DHX57: variants seen among roughly 807,000 people sequenced by gnomAD.
DHX57 encodes the protein putative ATP-dependent RNA helicase DHX57.
A neutral mutation model predicts 156.2 loss-of-function variants in DHX57; 105 were observed. The observed-to-expected ratio is 0.67, with a 90% CI of 0.57 to 0.79. DHX57 has a LOEUF of 0.79. Ranked by LOEUF, DHX57 falls within the 30% of genes least tolerant of loss-of-function variation. The probability of loss-of-function intolerance (pLI) is 0.00; values close to 1 mark genes in which losing one functional copy is unlikely to be tolerated. For missense variants in DHX57, 1,847 were observed against 1,661.9 expected, an observed-to-expected ratio of 1.11 and a Z score of -1.94; for synonymous variants, 704 against 595.6, an observed-to-expected ratio of 1.18 and a Z score of -2.65.
intron 16 of DHX57, among the ~76,000 whole-genome samples, chr2:38,825,327 G>C (rs1671033366): frequency 6.6e-6 from 1 of 151,502 alleles, no homozygotes; most frequent in South Asian, 2.1e-4. Context: ...TTTTGAGATG[G>C]AGTCTCACTC....
At chr2:38,804,174 C>T (rs774289387) in intron 22 of DHX57, among the ~76,000 whole-genome samples, 2 of 152,124 alleles carry the variant, frequency 1.3e-5, no homozygotes, top group Non-Finnish European at 2.9e-5. Flanking sequence ...CTTTCCTACC[C>T]AGCAATCAAG....
intron 22 of DHX57, 44 bp from the exon 23 acceptor site, chr2:38,802,959 A>T (rs946047368): frequency 6.2e-7 from 1 of 1,608,136 alleles, no homozygotes; most frequent in Non-Finnish European, 8.5e-7. Context: ...GTCACTGGCA[A>T]CAAAAAGGGA....
Position 38,868,245 on chromosome 2 carries a change from G to C in DHX57, c.161C>G (p.Ser54Cys). ...ATCTCCATCATCCCATATTCTACTG[G>C]AGGCCTTTCTGTTGCCGCCACCTCC... ...GGGGGGNRKA[S>C]SRIWDDGDDF... The change falls in exon 2 of 24, where the codon TCC becomes TGC. Residue 54 changes from serine to cysteine, a missense_variant. Coordinates refer to ENST00000457308, the MANE Select transcript of DHX57 (RefSeq NM_198963.3). 1.2e-6 allele frequency: 2 copies of C among 1,613,926 alleles called. No homozygotes were observed. The highest frequency in any genetic ancestry group is 3.3e-4 in the Middle Eastern group (2 of 6,038).
intron 11 of DHX57, among the ~76,000 whole-genome samples, chr2:38,844,022 A>G (rs1672143270): frequency 6.6e-6 from 1 of 152,180 alleles, no homozygotes; most frequent in Non-Finnish European, 1.5e-5. Context: ...TTTCATTTGC[A>G]TAAAGTGTAT....
chr2:38,861,188 C>T lies in DHX57; in HGVS notation c.1222G>A (p.Val408Ile), dbSNP rs745664385. The change falls in exon 5 of 24, where the codon GTA (valine) becomes ATA (isoleucine). Residue 408 changes from valine to isoleucine, a missense_variant. Coordinates refer to ENST00000457308, the MANE Select transcript of DHX57 (RefSeq NM_198963.3). ...TCTAAAAGGGTTATCAAAGAATATA[C>T]GACAGGTTCCGAAGTTTCCGCAAAT... ...LTFAETSEPVVYSLITLLEEE... is the reference protein window; with the variant it reads ...LTFAETSEPVIYSLITLLEEE... 193 of 1,613,990 alleles carry T rather than the reference C, an allele frequency of 1.2e-4. No individual in the cohort carries two copies. Among genetic ancestry groups the T allele is most frequent in the African/African-American group, 1.7e-4 (13 of 74,886 alleles).
chr2:38,823,377 T>A (rs1042336547), intron 16 of DHX57, 108 bp from the exon 17 acceptor site: 135 of 1,165,400 alleles, frequency 1.2e-4, no homozygotes, highest in Middle Eastern at 8.9e-4. Context: ...AAATAAAAAA[T>A]TTTAAAATCT....
chr2:38,858,987 T>C (rs1043332107), intron 5 of DHX57, 151 bp from the exon 6 acceptor site: 7 of 766,536 alleles, frequency 9.1e-6, no homozygotes, highest in Non-Finnish European at 1.4e-5. Context: ...TTCTAGTATT[T>C]CTATTTCTAA....
In DHX57 at chr2:38,862,158, G is replaced by A; in HGVS notation, c.559C>T (p.Gln187Ter). 6.3e-7 allele frequency: 1 copy of A among 1,593,418 alleles called. No individual in the cohort carries two copies. Among genetic ancestry groups the A allele is most frequent in the Non-Finnish European group, 8.6e-7 (1 of 1,169,256 alleles). Residue 187 changes from glutamine (Q) to a stop codon, truncating the protein, a stop_gained, in exon 4 of 24, where the codon CAA (glutamine) becomes TAA (stop). Coordinates refer to ENST00000457308, the MANE Select transcript of DHX57 (RefSeq NM_198963.3). LOFTEE classifies it high-confidence loss of function. ...PEFTVSPFAV[Q>*]KLSRYGFNTE... ...CAAAGCAATCACCTGGAAAGTTTTT[G>A]CACTGCAAATGGGGAGACTGTAAAT...
At position 38,802,900 on chromosome 2, in the gene DHX57, T is replaced by G; in HGVS notation, c.3832A>C (p.Ser1278Arg). 1 of 1,614,164 alleles carries G rather than the reference T, an allele frequency of 6.2e-7. No individual in the cohort carries two copies. The highest frequency in any genetic ancestry group is 2.2e-5 in the East Asian group (1 of 44,876). Residue 1278 changes from serine (S) to arginine (R), a missense_variant, in exon 23 of 24, where the codon AGC (serine) becomes CGC (arginine). Ser to Arg is a moderately radical substitution (Grantham distance 110). Transcript: ENST00000457308. ...SVNYQVRHFDSPYLLYHEKIK... is the reference protein window; with the variant it reads ...SVNYQVRHFDRPYLLYHEKIK... ...TTCTCGTGGTACAACAGGTAGGGGC[T>G]GTCAAAGTGTCTCACCTGTAACAAA... is the stretch of plus-strand genomic sequence containing the variant.
At chr2:38,807,928 G>A (rs1168101797) in intron 21 of DHX57, among the ~76,000 whole-genome samples, 1 of 141,252 alleles carries the variant, frequency 7.1e-6, no homozygotes, top group Non-Finnish European at 1.5e-5. Context: ...TTACAGGCGT[G>A]AGCCACTGTG....
intron 9 of DHX57, 41 bp from the exon 10 acceptor site, chr2:38,848,443 C>T: frequency 6.5e-7 from 1 of 1,539,546 alleles, no homozygotes; most frequent in Non-Finnish European, 8.7e-7. Flanking sequence ...CAAACAAATT[C>T]AACACATGAA....
intron 17 of DHX57, among the ~76,000 whole-genome samples, chr2:38,820,946 G>GAAC (rs1160297595): frequency 6.7e-6 from 1 of 149,822 alleles, no homozygotes; most frequent in African/African-American, 2.4e-5. Flanking sequence ...AGTATACGTG[G>GAAC]AACACCCTCC....
chr2:38,799,970 C>T (rs1669595421), intron 23 of DHX57, among the ~76,000 whole-genome samples: 2 of 151,942 alleles, frequency 1.3e-5, no homozygotes. Context: ...GGCAGATCAC[C>T]TGAGGTCGGG....
intron 13 of DHX57, among the ~76,000 whole-genome samples, chr2:38,829,058 T>C (rs1450957143): frequency 6.6e-6 from 1 of 151,902 alleles, no homozygotes; most frequent in African/African-American, 2.4e-5. Flanking sequence ...TTTCCTACCT[T>C]AGCCTCCTGA....
Position 38,861,428 on chromosome 2 carries a change from T to G in DHX57, c.982A>C (p.Asn328His), listed in dbSNP as rs375970776. ...CTTTCTATTCTTCCAACAATTTGAT[T>G]TGGGGGCACTTCATGTTTGAATCTG... Reference protein sequence around the residue: ...KCRFKHEVPPNQIVGRIERSV... With the variant: ...KCRFKHEVPPHQIVGRIERSV... Residue 328 changes from asparagine (N) to histidine (H), a missense_variant, in exon 5 of 24, where the codon AAT (asparagine) becomes CAT (histidine). By Grantham distance (68) the Asn-to-His change is moderately conservative. Coordinates refer to ENST00000457308, the MANE Select transcript of DHX57 (RefSeq NM_198963.3). 63 of 1,614,066 alleles carry G rather than the reference T, an allele frequency of 3.9e-5. No homozygotes were observed. The East Asian group carries it at 9.6e-4, about 25-fold the overall frequency.
chr2:38,803,305 T>C (rs2148528181), intron 22 of DHX57, among the ~76,000 whole-genome samples: 1 of 151,932 alleles, frequency 6.6e-6, no homozygotes, highest in South Asian at 2.1e-4. Context: ...TCTTCTTCCT[T>C]GCAGTGTTCC....
intron 13 of DHX57, among the ~76,000 whole-genome samples, chr2:38,830,668 A>G (rs1483931697): frequency 2.0e-5 from 3 of 151,898 alleles, no homozygotes; most frequent in African/African-American, 4.8e-5. Flanking sequence ...TACCCCTACT[A>G]GTGACTCAGT....
At chr2:38,854,285 C>A (rs779521848) in intron 8 of DHX57, 107 bp from the exon 9 acceptor site, 19 of 1,153,954 alleles carry the variant, frequency 1.6e-5, no homozygotes, top group Non-Finnish European at 1.6e-5. Context: ...TTGGAAACAC[C>A]AGCAGTTCCA....
intron 1 of DHX57, among the ~76,000 whole-genome samples, chr2:38,870,661 C>T (rs146297247): frequency 0.049 from 7,384 of 152,220 alleles, 363 homozygotes; most frequent in African/African-American, 0.13. Flanking sequence ...GGGCAGATCA[C>T]GAGGTCAGGA....
Sources: gnomAD v4.1 joint callset for allele counts (sites outside exome capture counted in the v4.1 genomes callset) on GRCh38, gnomAD v4.1.1 for gene constraint, MANE v1.5 for transcripts, NCBI Gene and HGNC (gene_info 2026-07-23, HGNC 2026-07-21) for gene names.